NKAIN2: variants seen among roughly 807,000 people sequenced by gnomAD.
NKAIN2 encodes sodium/potassium transporting ATPase interacting 2.
NKAIN2 carries 14 observed loss-of-function variants against 32.6 expected under a neutral mutation model. The observed-to-expected ratio is 0.43, with a 90% CI of 0.28 to 0.67. NKAIN2 has a LOEUF of 0.67. NKAIN2 is among the 30% of genes least tolerant of loss of function. The pLI is 0.17. For synonymous variants in NKAIN2, 80 were observed against 87.2 expected (o/e 0.92, Z 0.46); for missense variants, 198 against 258.3 (o/e 0.77, Z 1.60).
intron 3 of NKAIN2, among the ~76,000 whole-genome samples, chr6:124,578,582 G>A (rs115522104): frequency 0.016 from 2,470 of 152,176 alleles, 73 homozygotes; most frequent in African/African-American, 0.056. Flanking sequence ...AGATTTCTAA[G>A]GGTTTCAACT....
rs533049576 is a variant in NKAIN2, at chr6:124,417,289, A to T, written c.273+61942A>T. On this transcript the variant is annotated intron_variant, in intron 3 of 6. Coordinates refer to ENST00000368417, the MANE Select transcript of NKAIN2 (RefSeq NM_001040214.3). ...CTTAACAAAGATATAGAATATAGAGAATCAAATGGAAATTTCAGAATGAAA... is the reference window on the plus strand; with the variant it reads ...CTTAACAAAGATATAGAATATAGAGTATCAAATGGAAATTTCAGAATGAAA... Among the ~76,000 whole-genome samples, 6 of 152,318 alleles carry T rather than the reference A, an allele frequency of 3.9e-5. No individual in the cohort carries two copies. The South Asian group carries it at 1.2e-3, about 32-fold the overall frequency.
At chr6:124,452,936 G>A (rs1776166696) in intron 3 of NKAIN2, among the ~76,000 whole-genome samples, 1 of 151,984 alleles carries the variant, frequency 6.6e-6, no homozygotes, top group African/African-American at 2.4e-5. Context: ...TGAGTGGTTT[G>A]GGGTTATTAC....
chr6:124,561,776 C>A, intron 3 of NKAIN2, among the ~76,000 whole-genome samples: 1 of 152,144 alleles, frequency 6.6e-6, no homozygotes, highest in East Asian at 1.9e-4. Flanking sequence ...GCTGAAATAG[C>A]CCGTTTTGAA....
intron 1 of NKAIN2, among the ~76,000 whole-genome samples, chr6:124,081,695 T>C (rs1038388842): frequency 2.6e-5 from 4 of 152,054 alleles, no homozygotes; most frequent in African/African-American, 9.7e-5. Flanking sequence ...ATAGTGCTTA[T>C]TGAAAATATT....
chr6:123,877,995 G>T (rs1243355109), intron 1 of NKAIN2, among the ~76,000 whole-genome samples: 2 of 152,122 alleles, frequency 1.3e-5, no homozygotes, highest in African/African-American at 4.8e-5. Context: ...GGGAGGCTGT[G>T]GGGGGCAGAT....
chr6:124,173,688 T>G (rs1377980478), intron 1 of NKAIN2, among the ~76,000 whole-genome samples: 1 of 152,138 alleles, frequency 6.6e-6, no homozygotes, highest in Non-Finnish European at 1.5e-5. Flanking sequence ...AAATATTATT[T>G]TATCTTGTTT....
chr6:124,497,211 C>T (rs1778095139), intron 3 of NKAIN2, among the ~76,000 whole-genome samples: 1 of 152,056 alleles, frequency 6.6e-6, no homozygotes, highest in Non-Finnish European at 1.5e-5. Flanking sequence ...TTTTATGTGA[C>T]TTTTTTTGAT....
At chr6:124,170,345 G>T (rs1408203103) in intron 1 of NKAIN2, among the ~76,000 whole-genome samples, 1 of 152,170 alleles carries the variant, frequency 6.6e-6, no homozygotes, top group Non-Finnish European at 1.5e-5. Flanking sequence ...ACGTATTCCA[G>T]AGATATTTGT....
chr6:124,257,780 C>CT (rs374874073), intron 1 of NKAIN2, among the ~76,000 whole-genome samples: 44,378 of 136,000 alleles, frequency 0.33, 8,518 homozygotes, highest in African/African-American at 0.53. Flanking sequence ...TTTTTCTTTT[C>CT]TTTTTTTTTT....
intron 4 of NKAIN2, among the ~76,000 whole-genome samples, chr6:124,759,801 G>A (rs964971858): frequency 1.3e-4 from 19 of 151,848 alleles, no homozygotes; most frequent in African/African-American, 4.1e-4. Flanking sequence ...CTAATGAGAG[G>A]TGTTGAAAGC....
At chr6:123,966,589 A>G (rs924998631) in intron 1 of NKAIN2, among the ~76,000 whole-genome samples, 12 of 152,292 alleles carry the variant, frequency 7.9e-5, no homozygotes, top group African/African-American at 2.9e-4. Flanking sequence ...TAAACTTTCC[A>G]AGGAAAAGAG....
chr6:124,369,924 T>C (rs1482152410), intron 3 of NKAIN2, among the ~76,000 whole-genome samples: 2 of 138,254 alleles, frequency 1.4e-5, no homozygotes, highest in Non-Finnish European at 3.0e-5. Flanking sequence ...TCTGGGACAA[T>C]TGATGCTTTG....
chr6:124,309,534 A>C (rs1796635654), intron 2 of NKAIN2, among the ~76,000 whole-genome samples: 1 of 152,152 alleles, frequency 6.6e-6, no homozygotes, highest in African/African-American at 2.4e-5. Flanking sequence ...GAAGACTTCT[A>C]TCTATAATAT....
At chr6:124,807,858 G>T (rs916711575) in intron 5 of NKAIN2, among the ~76,000 whole-genome samples, 2 of 150,772 alleles carry the variant, frequency 1.3e-5, no homozygotes, top group Non-Finnish European at 3.0e-5. Flanking sequence ...ACAAACACCT[G>T]TACACAAATA....
chr6:124,327,745 G>C (rs917322202), intron 2 of NKAIN2, among the ~76,000 whole-genome samples: 1 of 151,982 alleles, frequency 6.6e-6, no homozygotes, highest in African/African-American at 2.4e-5. Flanking sequence ...ACTTATAGAG[G>C]TATAAAGTGG....
intron 2 of NKAIN2, among the ~76,000 whole-genome samples, chr6:124,341,458 A>AT (rs1798110077): frequency 6.6e-6 from 1 of 152,162 alleles, no homozygotes. Flanking sequence ...TAAATATGGC[A>AT]TTTTCTCAAT....
chr6:124,573,911 G>A (rs1781230898), intron 3 of NKAIN2, among the ~76,000 whole-genome samples: 1 of 152,170 alleles, frequency 6.6e-6, no homozygotes, highest in African/African-American at 2.4e-5. Context: ...GGATAATCAA[G>A]AAAGAGGCTT....
At chr6:124,353,772 A>G (rs1798840951) in intron 2 of NKAIN2, among the ~76,000 whole-genome samples, 1 of 149,744 alleles carries the variant, frequency 6.7e-6, no homozygotes, top group African/African-American at 2.5e-5. Context: ...AAAGAGGCAC[A>G]GAGGTGGGAA....
chr6:124,457,380 T>A (rs2114637992), intron 3 of NKAIN2, among the ~76,000 whole-genome samples: 1 of 152,084 alleles, frequency 6.6e-6, no homozygotes, highest in East Asian at 1.9e-4. Context: ...GGTATGTGTG[T>A]GAGAGAGTTT....
Sources: allele counts gnomAD v4.1 joint callset (sites outside exome capture counted in the v4.1 genomes callset), GRCh38; gene constraint gnomAD v4.1.1; transcripts MANE v1.5; gene names NCBI Gene and HGNC (gene_info 2026-07-23, HGNC 2026-07-21).